Variants in CYREN observed in about 807,000 individuals in gnomAD.
CYREN encodes the protein cell cycle regulator of NHEJ.
Under a neutral mutation model 9.7 loss-of-function variants are expected in CYREN, and 7 were observed. The ratio of observed to expected loss-of-function variants is 0.72; its 90% CI spans 0.41 to 1.36. The LOEUF is 1.36. Ranked by LOEUF, CYREN falls within the 40% of genes most tolerant of loss-of-function variation. The pLI, the probability that CYREN is intolerant of heterozygous loss-of-function variation, is 0.01. For missense variants in CYREN, 215 were observed against 198.1 expected, an observed-to-expected ratio of 1.09 and a Z score of -0.51; for synonymous variants, 76 against 77.9, an observed-to-expected ratio of 0.98 and a Z score of 0.13.
intron 2 of CYREN, among the ~76,000 whole-genome samples, chr7:135,117,172 A>G (rs1193916071): frequency 1.3e-5 from 2 of 152,246 alleles, no homozygotes; most frequent in African/African-American, 2.4e-5. Flanking sequence ...TTTGATTTGC[A>G]TAATCTTTCT....
rs1822814229 is a variant in CYREN, at chr7:135,096,584, C to CATAGATAGATACATAGATAG, written n.357-2003_357-2002insCTATCTATGTATCTATCTAT. Among the ~76,000 whole-genome samples the CATAGATAGATACATAGATAG allele has an allele frequency of 1.9e-4, 17 of 88,860 alleles. 1 individual carries two copies. Among genetic ancestry groups the CATAGATAGATACATAGATAG allele is most frequent in the Admixed American group, 1.5e-3 (13 of 8,532 alleles). 58.3% of individuals were successfully genotyped at this position (88,860 alleles called of 152,430 possible). On this transcript the variant is annotated intron_variant and non_coding_transcript_variant, in intron 2 of 2. Transcript: ENST00000459937. ...AGATAGATAGATAGATAGATAGATA[C>CATAGATAGATACATAGATAG]ATAGATAGATAGATAGATAGATAGA...
At chr7:135,146,594 A>T (rs924397170) in intron 2 of CYREN, among the ~76,000 whole-genome samples, 2 of 152,208 alleles carry the variant, frequency 1.3e-5, no homozygotes, top group African/African-American at 4.8e-5. Flanking sequence ...TATTGATTTA[A>T]ACAAAACTAT....
intron 2 of CYREN, among the ~76,000 whole-genome samples, chr7:135,117,876 G>C (rs527500048): frequency 6.6e-6 from 1 of 152,250 alleles, no homozygotes; most frequent in South Asian, 2.1e-4. Flanking sequence ...CTACCCACTG[G>C]CATGGTTGCC....
At chr7:135,163,995 A>G (rs1420649290), downstream of CYREN, among the ~76,000 whole-genome samples, 1 of 152,248 alleles carries the variant, frequency 6.6e-6, no homozygotes, top group Non-Finnish European at 1.5e-5. Context: ...GGTGAAAACC[A>G]ATAGCTTCCT....
chr7:135,157,393 A>T (rs140973294), intron 2 of CYREN, among the ~76,000 whole-genome samples: 1 of 152,218 alleles, frequency 6.6e-6, no homozygotes, highest in Admixed American at 6.5e-5. Context: ...GCTGAGACTA[A>T]GTCCCCAGAA....
At chr7:135,164,636 C>A, downstream of CYREN, 3 of 1,613,520 alleles carry the variant, frequency 1.9e-6, no homozygotes, top group Non-Finnish European at 1.7e-6. Flanking sequence ...TACAGTGTCA[C>A]CAGTTCCCTG....
upstream of CYREN, chr7:135,170,834 G>C (rs1340759380): frequency 6.8e-6 from 1 of 146,656 alleles, no homozygotes; most frequent in Non-Finnish European, 1.5e-5. Context: ...TCCGGCTCCC[G>C]GCAGCTGCCT....
Position 135,130,423 on chromosome 7 carries a change from A to T in CYREN, n.357-35841T>A, listed in dbSNP as rs1052757737. On this transcript the variant is annotated intron_variant and non_coding_transcript_variant, in intron 2 of 2. Coordinates refer to the CYREN transcript ENST00000459937. ...ACTGGCTCAGAAGAATTTAAGTTCT[A>T]TTCAACTTTCCTGGGTGTTAGAGCC... is the stretch of plus-strand genomic sequence containing the variant. 1.2e-4 allele frequency among the ~76,000 whole-genome samples: 19 copies of T among 152,136 alleles called. 1 individual carries two copies. Among genetic ancestry groups the T allele is most frequent in the African/African-American group, 4.6e-4 (19 of 41,416 alleles).
intron 2 of CYREN, among the ~76,000 whole-genome samples, chr7:135,109,684 C>A (rs1825327260): frequency 6.6e-6 from 1 of 152,084 alleles, no homozygotes; most frequent in Admixed American, 6.5e-5. Context: ...TATCTGTAGA[C>A]CTTGGTCAGG....
chr7:135,127,934 A>G (rs1828118735), intron 2 of CYREN, among the ~76,000 whole-genome samples: 1 of 152,188 alleles, frequency 6.6e-6, no homozygotes. Context: ...CCAAATACCC[A>G]TCAGTGATAG....
chr7:135,168,907 A>T lies in CYREN; in HGVS notation c.16T>A (p.Ser6Thr). The T allele has an allele frequency of 6.2e-7, 1 of 1,610,158 alleles. No individual in the cohort carries two copies. The highest frequency in any genetic ancestry group is 8.5e-7 in the Non-Finnish European group (1 of 1,178,052). Residue 6 changes from serine to threonine, a missense_variant, in exon 2 of 4, where the codon TCC becomes ACC. Coordinates refer to ENST00000393114, the MANE Select transcript of CYREN (RefSeq NM_024033.4). ...GGAAGGACCCTCGTTTTAGTCTCGG[A>T]TTGTAAGGTTTCCATCTCTGTACCT... METLQ[S>T]ETKTRVLPSW...
At chr7:135,094,524 CT>C in exon 3 of CYREN, 1 of 456,660 alleles carries the variant, frequency 2.2e-6, no homozygotes, top group Non-Finnish European at 4.4e-6. Flanking sequence ...TTTTTGTGGA[CT>C]TTATCTTCAG....
chr7:135,149,790 A>G (rs1829626758), intron 2 of CYREN, among the ~76,000 whole-genome samples: 1 of 152,164 alleles, frequency 6.6e-6, no homozygotes, highest in African/African-American at 2.4e-5. Context: ...TTAGTTAACT[A>G]CTTTGCATTC....
At chr7:135,125,323 C>T (rs1306297563) in intron 2 of CYREN, among the ~76,000 whole-genome samples, 1 of 152,140 alleles carries the variant, frequency 6.6e-6, no homozygotes, top group African/African-American at 2.4e-5. Context: ...TGGACACACA[C>T]ACCCTCCCAA....
At chr7:135,109,397 C>T (rs1404105089) in intron 2 of CYREN, among the ~76,000 whole-genome samples, 1 of 151,642 alleles carries the variant, frequency 6.6e-6, no homozygotes. Flanking sequence ...CTCGATAGCC[C>T]CAGCAAGGAG....
intron 2 of CYREN, among the ~76,000 whole-genome samples, chr7:135,102,759 C>T (rs1215183840): frequency 6.7e-6 from 1 of 148,324 alleles, no homozygotes; most frequent in Non-Finnish European, 1.5e-5. Context: ...TACACCATAG[C>T]AAAAAAAAAT....
intron 2 of CYREN, among the ~76,000 whole-genome samples, chr7:135,132,594 C>T (rs1828927130): frequency 6.6e-6 from 1 of 152,024 alleles, no homozygotes; most frequent in South Asian, 2.1e-4. Context: ...TGTAATAATC[C>T]CCACGTGTCA....
Position 135,166,744 on chromosome 7 carries a change from C to T in CYREN, c.341G>A (p.Gly114Glu). 1 of 1,614,066 alleles carries T rather than the reference C, an allele frequency of 6.2e-7. No individual in the cohort carries two copies. Among genetic ancestry groups the T allele is most frequent in the South Asian group, 1.1e-5 (1 of 91,084 alleles). Residue 114 changes from glycine (G) to glutamate (E), a missense_variant, in exon 4 of 4, where the codon GGG (glycine) becomes GAG (glutamate). Transcript: ENST00000393114. The part of the protein sequence containing the change: ...SGSSSEEEDS[G>E]KQALAPGLSP... Reference sequence around the variant, plus strand: ...GAGGCCTGGAGCCAGTGCCTGTTTCCCACTGTCCTCTTCCTCACTGCTGCT... The same window carrying T: ...GAGGCCTGGAGCCAGTGCCTGTTTCTCACTGTCCTCTTCCTCACTGCTGCT...
At chr7:135,098,533 G>A (rs1823271767) in intron 2 of CYREN, among the ~76,000 whole-genome samples, 1 of 152,168 alleles carries the variant, frequency 6.6e-6, no homozygotes, top group Non-Finnish European at 1.5e-5. Flanking sequence ...CACAAACAAT[G>A]CCAACTGTAT....
Sources: allele counts gnomAD v4.1 joint callset (sites outside exome capture counted in the v4.1 genomes callset), GRCh38; gene constraint gnomAD v4.1.1; transcripts MANE v1.5; gene names NCBI Gene and HGNC (gene_info 2026-07-23, HGNC 2026-07-21).